Variants in SCML4 observed in about 807,000 individuals in gnomAD.
SCML4 encodes sex comb on midleg-like protein 4.
SCML4 carries 34 observed loss-of-function variants against 41.1 expected under a neutral mutation model. That is an observed-to-expected ratio of 0.83 (90% CI 0.63 to 1.10). SCML4 has a LOEUF of 1.10. SCML4 is among the 50% of genes least tolerant of loss of function. SCML4 has a pLI of 0.00. For synonymous variants in SCML4, 214 were observed against 220.9 expected (o/e 0.97, Z 0.28); for missense variants, 522 against 534.1 (o/e 0.98, Z 0.22).
chr6:107,736,660 T>A (rs1777097223), intron 5 of SCML4, among the ~76,000 whole-genome samples: 1 of 152,176 alleles, frequency 6.6e-6, no homozygotes, highest in Non-Finnish European at 1.5e-5. Context: ...TAAAAATAAA[T>A]GATCTTTTGT....
upstream of SCML4, among the ~76,000 whole-genome samples, chr6:107,825,669 AG>A (rs1485928692): frequency 6.6e-6 from 1 of 151,754 alleles, no homozygotes; most frequent in Non-Finnish European, 1.5e-5. Context: ...GGCCAGGTGC[AG>A]TGGCTCATGC....
the SCML4 span, among the ~76,000 whole-genome samples, chr6:107,834,644 C>T: frequency 1.3e-5 from 2 of 152,096 alleles, no homozygotes; most frequent in Non-Finnish European, 2.9e-5. Flanking sequence ...AACCAACAAA[C>T]AGGAAGAAAA....
At chr6:107,811,791 C>T (rs576530525) in intron 1 of SCML4, among the ~76,000 whole-genome samples, 320 of 152,242 alleles carry the variant, frequency 2.1e-3, no homozygotes, top group African/African-American at 7.3e-3. Context: ...TGGTGCCAAA[C>T]AGCATCATCT....
intron 5 of SCML4, among the ~76,000 whole-genome samples, chr6:107,732,926 C>T (rs1436526564): frequency 6.6e-6 from 1 of 152,198 alleles, no homozygotes; most frequent in East Asian, 1.9e-4. Flanking sequence ...ATGGACATCT[C>T]GACTTTGAGA....
the SCML4 span, among the ~76,000 whole-genome samples, chr6:107,844,110 T>C: frequency 6.6e-6 from 1 of 152,132 alleles, no homozygotes. Flanking sequence ...AGCTAGATGC[T>C]AGACAGAGGA....
chr6:107,767,404 C>A (rs1255788828), intron 2 of SCML4, among the ~76,000 whole-genome samples: 1 of 152,100 alleles, frequency 6.6e-6, no homozygotes, highest in Non-Finnish European at 1.5e-5. Context: ...AAACGAAAAC[C>A]CTTTCTACTT....
At chr6:107,751,081 C>G (rs1229213333) in intron 2 of SCML4, among the ~76,000 whole-genome samples, 7 of 152,158 alleles carry the variant, frequency 4.6e-5, no homozygotes. Flanking sequence ...GCTACGGAAA[C>G]AGCAGAAGCA....
chr6:107,729,959 C>T (rs1185616514), intron 5 of SCML4, among the ~76,000 whole-genome samples: 1 of 152,140 alleles, frequency 6.6e-6, no homozygotes, highest in East Asian at 1.9e-4. Context: ...CTAAAAGTTC[C>T]TCCTTACATC....
chr6:107,708,764 G>A (rs1773940039), intron 6 of SCML4, among the ~76,000 whole-genome samples: 1 of 152,174 alleles, frequency 6.6e-6, no homozygotes, highest in Non-Finnish European at 1.5e-5. Context: ...CTGGGAAATG[G>A]TTGCATAGGG....
At chr6:107,772,620 G>A (rs1780612248) in intron 1 of SCML4, among the ~76,000 whole-genome samples, 1 of 152,126 alleles carries the variant, frequency 6.6e-6, no homozygotes, top group Non-Finnish European at 1.5e-5. Context: ...AGTGAAGTAG[G>A]GAAGATACTG....
At chr6:107,841,584 C>T in the SCML4 span, among the ~76,000 whole-genome samples, 704 of 152,334 alleles carry the variant, frequency 4.6e-3, 13 homozygotes, top group African/African-American at 0.016. Flanking sequence ...TGCATGCTTT[C>T]GTTCCCACGT....
At chr6:107,809,559 C>T (rs1784004302) in intron 1 of SCML4, among the ~76,000 whole-genome samples, 4 of 152,104 alleles carry the variant, frequency 2.6e-5, no homozygotes, top group Admixed American at 2.6e-4. Context: ...TCCATCAGGA[C>T]CTGTTTCCCA....
chr6:107,786,760 G>A lies in SCML4; in HGVS notation c.-59-14374C>T, dbSNP rs574061092. Among the ~76,000 whole-genome samples the A allele has an allele frequency of 3.3e-5, 5 of 152,222 alleles. No homozygotes were observed. In the East Asian group the frequency reaches 9.7e-4, roughly 29 times the overall value. ...ACTGAGGCAGCAGAGTCCAGCCCAG[G>A]GTACTTGTCTTTTGTTTTTAGTAGT... is the stretch of plus-strand genomic sequence containing the variant. On this transcript the variant is annotated intron_variant, in intron 1 of 7. Transcript: ENST00000369020.
At chr6:107,836,761 A>C in the SCML4 span, among the ~76,000 whole-genome samples, 5 of 152,194 alleles carry the variant, frequency 3.3e-5, no homozygotes, top group Admixed American at 2.0e-4. Context: ...CATTTCTCAA[A>C]AAAAAAGAAA....
chr6:107,720,682 C>T, intron 6 of SCML4, 21 bp downstream of exon 6: 2 of 1,515,804 alleles, frequency 1.3e-6, no homozygotes, highest in Non-Finnish European at 1.8e-6. Flanking sequence ...CAGTGGGAAG[C>T]TGATGCATGC....
At chr6:107,794,098 A>C (rs1399885258) in intron 1 of SCML4, among the ~76,000 whole-genome samples, 1 of 152,250 alleles carries the variant, frequency 6.6e-6, no homozygotes, top group Non-Finnish European at 1.5e-5. Context: ...GTTTTCAAAA[A>C]GTATCTTTGC....
Position 107,705,183 on chromosome 6 carries a change from C to T in SCML4, c.*17G>A, listed in dbSNP as rs1773479024. On this transcript the variant is annotated 3_prime_UTR_variant, in exon 8 of 8. Coordinates refer to ENST00000369020, the MANE Select transcript of SCML4 (RefSeq NM_198081.5). ...GGATCTGTTGTTTTGGGTTTCGCTT[C>T]TGTCTTTTTAAAAAAGTCAGAACTT... 6.4e-7 allele frequency: 1 copy of T among 1,551,088 alleles called. No homozygotes were observed. Among genetic ancestry groups the T allele is most frequent in the Non-Finnish European group, 8.7e-7 (1 of 1,146,428 alleles).
intron 1 of SCML4, among the ~76,000 whole-genome samples, chr6:107,820,008 G>A (rs901055345): frequency 2.6e-5 from 4 of 152,190 alleles, no homozygotes; most frequent in East Asian, 1.9e-4. Context: ...TATCTCCTCC[G>A]CGGCAGCAAA....
intron 1 of SCML4, among the ~76,000 whole-genome samples, chr6:107,774,306 T>G (rs964527835): frequency 1.3e-5 from 2 of 152,156 alleles, no homozygotes; most frequent in Non-Finnish European, 2.9e-5. Flanking sequence ...GAGCATTTTT[T>G]TTTCTATCTT....
Sources: allele counts gnomAD v4.1 joint callset (sites outside exome capture counted in the v4.1 genomes callset), GRCh38; gene constraint gnomAD v4.1.1; transcripts MANE v1.5; gene names NCBI Gene and HGNC (gene_info 2026-07-23, HGNC 2026-07-21).